GOT1L1: variants seen among roughly 807,000 people sequenced by gnomAD.
GOT1L1 encodes the protein glutamic-oxaloacetic transaminase 1 like 1.
Under a neutral mutation model 43.6 loss-of-function variants are expected in GOT1L1, and 38 were observed. The ratio of observed to expected loss-of-function variants is 0.87; its 90% CI spans 0.67 to 1.14. GOT1L1 has a LOEUF of 1.14. GOT1L1 is among the 50% of genes most tolerant of loss of function. The pLI, the probability that GOT1L1 is intolerant of heterozygous loss-of-function variation, is 0.00. For missense variants in GOT1L1, 482 were observed against 504.0 expected (o/e 0.96, Z 0.42); for synonymous variants, 183 against 187.2 (o/e 0.98, Z 0.18).
chr8:37,935,910 TC>T, intron 6 of GOT1L1, 41 bp from the exon 7 acceptor site: 1 of 1,594,060 alleles, frequency 6.3e-7, no homozygotes, highest in Non-Finnish European at 8.5e-7. Context: ...AGCCCCTTCC[TC>T]CACTCCCAAG....
intron 1 of GOT1L1, among the ~76,000 whole-genome samples, chr8:37,939,469 T>A: frequency 8.0e-6 from 1 of 124,404 alleles, no homozygotes; most frequent in African/African-American, 3.1e-5. Flanking sequence ...TATATATATA[T>A]ATATGCAAAA....
intron 8 of GOT1L1, among the ~76,000 whole-genome samples, chr8:37,934,765 G>A (rs1348911406): frequency 1.3e-5 from 2 of 151,930 alleles, no homozygotes; most frequent in East Asian, 1.9e-4. Flanking sequence ...TAGTAGAGAC[G>A]GGGTTTCACC....
rs139008040 is a variant in GOT1L1, at chr8:37,938,946, A to G, written c.116-65T>C. 3 of 1,470,510 alleles carry G rather than the reference A, an allele frequency of 2.0e-6. No homozygotes were observed. In the African/African-American group the frequency reaches 4.2e-5, roughly 20 times the overall value. The allele number at this position is 1,470,510 out of a possible 1,614,324, so 91.1% of individuals were successfully genotyped here. On this transcript the variant is annotated intron_variant, in intron 1 of 8. Transcript: ENST00000307599. ...TTGGGCCCCCAGGGCTGAGCTCTGCAGACAGCCTGCAAACAAATCTCTCCT... is the reference window on the plus strand; with the variant it reads ...TTGGGCCCCCAGGGCTGAGCTCTGCGGACAGCCTGCAAACAAATCTCTCCT...
chr8:37,935,825 G>C lies in GOT1L1; in HGVS notation c.808C>G (p.Gln270Glu). 3 of 1,612,980 alleles carry C rather than the reference G, an allele frequency of 1.9e-6. No individual in the cohort carries two copies. The highest frequency in any genetic ancestry group is 2.5e-6 in the Non-Finnish European group (3 of 1,179,452). The change falls in exon 7 of 9, where the codon CAG (glutamine) becomes GAG (glutamate). Residue 270 changes from glutamine (Q) to glutamate (E), a missense_variant. Physicochemically the swap from Gln to Glu is conservative, Grantham distance 29 (BLOSUM62 2). Transcript: ENST00000307599. The stretch of plus-strand genomic sequence containing the variant: ...AGCTGGGAGAGGACACACAGCAGCT[G>C]CTGGTTGTTGACTGCCACCACCACT... ...MLVVVAVNNQQLLCVLSQLEG... is the reference protein window; with the variant it reads ...MLVVVAVNNQELLCVLSQLEG...
In GOT1L1 at chr8:37,935,233, T is replaced by A. The variant is rs763933628; in HGVS notation, c.930-18A>T. ...TCTGCTTCCTACCAAGGAAGGACAA[T>A]GAGAAAGGAGGGTGTGAGGTCCCCC... On this transcript the variant is annotated intron_variant, in intron 7 of 8. Transcript: ENST00000307599. The A allele has an allele frequency of 6.4e-7, 1 of 1,573,876 alleles. No homozygotes were observed. The highest frequency in any genetic ancestry group is 1.2e-5 in the South Asian group (1 of 85,812).
intron 6 of GOT1L1, among the ~76,000 whole-genome samples, chr8:37,936,272 G>A (rs117779561): frequency 0.018 from 2,661 of 151,812 alleles, 41 homozygotes; most frequent in Non-Finnish European, 0.026. Context: ...TCAGCCCCCC[G>A]GGTGGGTAGG....
chr8:37,935,192 A>G lies in GOT1L1; in HGVS notation c.953T>C (p.Val318Ala). 6.2e-6 allele frequency: 10 copies of G among 1,603,868 alleles called. No individual in the cohort carries two copies. The highest frequency in any genetic ancestry group is 8.5e-6 in the Non-Finnish European group (10 of 1,174,968). ...GEWKQSLKEV[V>A]ENIMLTKEKV... ...TTCCTTGGTTAGCATGATGTTCTCT[A>G]CAACTTCTTTTAGACTCTGCTTCCT... The change falls in exon 8 of 9, where the codon GTA (valine) becomes GCA (alanine). Residue 318 changes from valine to alanine, a missense_variant. Coordinates refer to ENST00000307599, the MANE Select transcript of GOT1L1 (RefSeq NM_152413.3).
At chr8:37,935,433 C>G (rs960325057) in intron 7 of GOT1L1, among the ~76,000 whole-genome samples, 8 of 152,162 alleles carry the variant, frequency 5.3e-5, no homozygotes, top group Non-Finnish European at 8.8e-5. Flanking sequence ...GCCCCTGATG[C>G]TCTCTTATCT....
At chr8:37,939,836 C>G in intron 1 of GOT1L1, 79 bp downstream of exon 1, 2 of 1,406,300 alleles carry the variant, frequency 1.4e-6, no homozygotes, top group Non-Finnish European at 2.0e-6. Context: ...CACCCCTCCC[C>G]CTGCAGCAGG....
rs1807886139 is a variant in GOT1L1, at chr8:37,940,057, A to T, written c.-28T>A. On this transcript the variant is annotated 5_prime_UTR_variant, in exon 1 of 9. Transcript: ENST00000307599. ...CTGAAACGAAACTGGAGCCAAGACT[A>T]TGTGTCTCTGCTCCTGTGTTCCGCT... is the stretch of plus-strand genomic sequence containing the variant. 2 of 1,601,158 alleles carry T rather than the reference A, an allele frequency of 1.2e-6. No homozygotes were observed. The highest frequency in any genetic ancestry group is 1.7e-6 in the Non-Finnish European group (2 of 1,173,440).
rs1360179185 is a variant in GOT1L1, at chr8:37,939,917, C to T, written c.113G>A (p.Arg38Lys). The T allele has an allele frequency of 6.2e-7, 1 of 1,612,792 alleles. No individual in the cohort carries two copies. Among genetic ancestry groups the T allele is most frequent in the Admixed American group, 1.7e-5 (1 of 59,916 alleles). ...DYPNKIFLAYRVCMTNEGHPW... is the reference protein window; with the variant it reads ...DYPNKIFLAYKVCMTNEGHPW... Reference sequence around the variant, plus strand: ...CTTCAGAACTGCTAGGCATCTACCTCTATAGGCTAAGAATATCTTGTTCGG... The same window carrying T: ...CTTCAGAACTGCTAGGCATCTACCTTTATAGGCTAAGAATATCTTGTTCGG... Residue 38 changes from arginine to lysine, a missense_variant and splice_region_variant, in exon 1 of 9, where the codon AGA (arginine) becomes AAA (lysine). Physicochemically the swap from Arg to Lys is conservative, Grantham distance 26 (BLOSUM62 2). Transcript: ENST00000307599.
chr8:37,939,083 A>G (rs959415542), intron 1 of GOT1L1: 14 of 506,184 alleles, frequency 2.8e-5, no homozygotes, highest in Non-Finnish European at 4.7e-5. Flanking sequence ...TTGTCTTTTT[A>G]AAAAAGACAA....
chr8:37,936,707 G>A lies in GOT1L1; in HGVS notation c.763+13C>T. 2.5e-6 allele frequency: 4 copies of A among 1,604,234 alleles called. No individual in the cohort carries two copies. The highest frequency in any genetic ancestry group is 3.4e-6 in the Non-Finnish European group (4 of 1,172,390). On this transcript the variant is annotated intron_variant, in intron 6 of 8. Coordinates refer to ENST00000307599, the MANE Select transcript of GOT1L1 (RefSeq NM_152413.3). ...TCAGCAACAGACCCTCCCTTCTTCTGCCTGTACCATACCATAAATGCCAAA... is the reference window on the plus strand; with the variant it reads ...TCAGCAACAGACCCTCCCTTCTTCTACCTGTACCATACCATAAATGCCAAA...
chr8:37,939,432 ATATATATATATATATATATATAT>A lies in GOT1L1; in HGVS notation c.115+460_115+482del, dbSNP rs1291681681. On this transcript the variant is annotated intron_variant, in intron 1 of 8. Coordinates refer to ENST00000307599, the MANE Select transcript of GOT1L1 (RefSeq NM_152413.3). ...CTGTCTCAAGAAAAAAAAAAAAAAAATATATATATATATATATATATATATATATATATATATATATGCAAAAT... is the reference window on the plus strand; with the variant it reads ...CTGTCTCAAGAAAAAAAAAAAAAAAAATATATATATATATATATGCAAAAT... Among the ~76,000 whole-genome samples, 4 of 65,502 alleles carry A rather than the reference ATATATATATATATATATATATAT, an allele frequency of 6.1e-5. 2 individuals carry two copies. Among genetic ancestry groups the A allele is most frequent in the Non-Finnish European group, 1.2e-4 (4 of 34,238 alleles). 43.0% of individuals were successfully genotyped at this position (65,502 alleles called of 152,430 possible).
rs778676585 is a variant in GOT1L1 at position 37,935,173 on chromosome 8, G to C, written c.972C>G (p.Thr324=). Reference sequence around the variant, plus strand: ...GGAGTTTCTCCTTCACTTTTTCCTTGGTTAGCATGATGTTCTCTACAACTT... The same window carrying C: ...GGAGTTTCTCCTTCACTTTTTCCTTCGTTAGCATGATGTTCTCTACAACTT... ...LKEVVENIML[T]KEKVKEKLQL... The change falls in exon 8 of 9, where the codon ACC becomes ACG. Residue 324 remains threonine, a synonymous_variant. Transcript: ENST00000307599. 2 of 1,609,088 alleles carry C rather than the reference G, an allele frequency of 1.2e-6. No homozygotes were observed. Among genetic ancestry groups the C allele is most frequent in the Non-Finnish European group, 1.7e-6 (2 of 1,177,582 alleles).
chr8:37,937,408 C>A lies in GOT1L1; in HGVS notation c.410-22G>T, dbSNP rs757961999. ...AGTTCTGTGGGAACACAGCCCCCCA[C>A]TAGCTGGTACATGGGAAACAGAGAG... On this transcript the variant is annotated intron_variant, in intron 3 of 8. Coordinates refer to ENST00000307599, the MANE Select transcript of GOT1L1 (RefSeq NM_152413.3). 6.8e-6 allele frequency: 10 copies of A among 1,469,048 alleles called. No individual in the cohort carries two copies. The East Asian group carries it at 2.3e-4, about 33-fold the overall frequency. The allele number at this position is 1,469,048 out of a possible 1,614,324, so 91.0% of individuals were successfully genotyped here.
chr8:37,934,569 T>TTTTA (rs1807695135), intron 8 of GOT1L1, 83 bp from the exon 9 acceptor site: 2 of 992,664 alleles, frequency 2.0e-6, no homozygotes, highest in Middle Eastern at 2.2e-4. Flanking sequence ...TTTCTTATTT[T>TTTTA]TTTATTGATT....
chr8:37,937,811 A>G, intron 2 of GOT1L1, 62 bp from the exon 3 acceptor site: 1 of 1,161,224 alleles, frequency 8.6e-7, no homozygotes, highest in Non-Finnish European at 1.3e-6. Context: ...TAATTCCAGC[A>G]CTTTGGGAGG....
intron 2 of GOT1L1, 24 bp from the exon 3 acceptor site, chr8:37,937,773 A>C: frequency 9.8e-6 from 15 of 1,524,856 alleles, no homozygotes; most frequent in African/African-American, 1.4e-5. Flanking sequence ...ATAGACACAA[A>C]TAGGCCAGGT....
Sources: allele counts gnomAD v4.1 joint callset (sites outside exome capture counted in the v4.1 genomes callset), GRCh38; gene constraint gnomAD v4.1.1; transcripts MANE v1.5; gene names NCBI Gene and HGNC (gene_info 2026-07-23, HGNC 2026-07-21).